The following MYO18A variants were observed in gnomAD, a reference collection of about 807,000 sequenced individuals.
MYO18A encodes myosin XVIIIA.
MYO18A carries 78 observed loss-of-function variants against 235.8 expected under a neutral mutation model. The ratio of observed to expected loss-of-function variants is 0.33; its 90% confidence interval spans 0.28 to 0.40. The LOEUF (loss-of-function observed/expected upper bound fraction) is 0.40. Among genes scored for constraint, MYO18A ranks in the 10% least tolerant of loss-of-function variants. The pLI is 1.00. For synonymous variants in MYO18A, 977 were observed against 1,077.8 expected (o/e 0.91, Z 1.83); for missense variants, 2,215 against 2,699.3 (o/e 0.82, Z 3.98).
intron 22 of MYO18A, 143 bp downstream of exon 22, chr17:29,099,491 G>A: frequency 8.8e-7 from 1 of 1,140,084 alleles, no homozygotes; most frequent in Non-Finnish European, 1.2e-6. Flanking sequence ...GCTGGCACCA[G>A]GGAGCTGCCT....
At chr17:29,112,045 A>C (rs1375891076) in intron 15 of MYO18A, among the ~76,000 whole-genome samples, 182 bp from the exon 16 acceptor site, 1 of 152,194 alleles carries the variant, frequency 6.6e-6, no homozygotes, top group Non-Finnish European at 1.5e-5. Context: ...AGCCCGGGGA[A>C]AGGGGAGCCA....
chr17:29,103,442 CCT>C (rs1452876591), intron 21 of MYO18A, among the ~76,000 whole-genome samples, 155 bp downstream of exon 21: 2 of 152,248 alleles, frequency 1.3e-5, no homozygotes, highest in African/African-American at 4.8e-5. Flanking sequence ...GGGGGCAGCC[CCT>C]GAGTGGCTGG....
intron 10 of MYO18A, among the ~76,000 whole-genome samples, chr17:29,116,784 T>C (rs899285579): frequency 3.2e-5 from 4 of 124,598 alleles, no homozygotes; most frequent in Non-Finnish European, 6.3e-5. Context: ...CTAACAGACA[T>C]TGTTTGAGAA....
At chr17:29,085,736 G>A (rs2066238608) in intron 39 of MYO18A, 88 bp from the exon 40 acceptor site, 1 of 1,351,322 alleles carries the variant, frequency 7.4e-7, no homozygotes, top group Non-Finnish European at 1.1e-6. Flanking sequence ...CTTAGCTGAA[G>A]ACCTCTCTTC....
chr17:29,136,235 G>GAAAA (rs1181249964), intron 2 of MYO18A, among the ~76,000 whole-genome samples: 1,245 of 105,108 alleles, frequency 0.012, 5 homozygotes, highest in Non-Finnish European at 0.015. Context: ...CATCTCAAAA[G>GAAAA]AAAAAAAAAA....
rs558425659 is a variant in MYO18A at position 29,124,234 on chromosome 17, T to C, written c.1000-1981A>G. ...TCATCTGAAAATGGGTTTCTCACATTGGCCAGGAGGTGGAGACAGAGAATG... is the reference window on the plus strand; with the variant it reads ...TCATCTGAAAATGGGTTTCTCACATCGGCCAGGAGGTGGAGACAGAGAATG... On this transcript the variant is annotated intron_variant, in intron 2 of 41. Coordinates refer to ENST00000527372, the MANE Select transcript of MYO18A (RefSeq NM_078471.4). Among the ~76,000 whole-genome samples, 236 of 152,262 alleles carry C rather than the reference T, an allele frequency of 1.5e-3. 1 individual carries two copies. The highest frequency in any genetic ancestry group is 5.5e-3 in the African/African-American group (228 of 41,546).
chr17:29,116,366 C>A (rs1322590483), intron 11 of MYO18A, 78 bp downstream of exon 11: 1 of 1,567,776 alleles, frequency 6.4e-7, no homozygotes, highest in South Asian at 1.1e-5. Flanking sequence ...GGGAACAGCC[C>A]GCACAGACAT....
intron 1 of MYO18A, among the ~76,000 whole-genome samples, chr17:29,169,812 T>C (rs773808718): frequency 6.6e-6 from 1 of 151,636 alleles, no homozygotes; most frequent in Non-Finnish European, 1.5e-5. Context: ...CAATTCTCGG[T>C]CTATAATGCT....
At position 29,118,485 on chromosome 17, in the gene MYO18A, C is replaced by A; in HGVS notation, c.1830-45G>T. The A allele has an allele frequency of 6.4e-7, 1 of 1,551,310 alleles. No homozygotes were observed. The highest frequency in any genetic ancestry group is 8.8e-7 in the Non-Finnish European group (1 of 1,131,672). On this transcript the variant is annotated intron_variant, in intron 8 of 41. Coordinates refer to ENST00000527372, the MANE Select transcript of MYO18A (RefSeq NM_078471.4). The surrounding 1 kb of genome is among the most constrained non-coding windows in gnomAD (Gnocchi z 4.2). ...ATCAGCACGGCACTTGGTCCCCATGCCAAGGCCATTTCCGCCCAGGGTGGA... is the reference window on the plus strand; with the variant it reads ...ATCAGCACGGCACTTGGTCCCCATGACAAGGCCATTTCCGCCCAGGGTGGA...
In MYO18A at chr17:29,110,083, T is replaced by C; in HGVS notation, c.3106A>G (p.Ile1036Val). Residue 1036 changes from isoleucine (I) to valine (V), a missense_variant, in exon 19 of 42, where the codon ATC (isoleucine) becomes GTC (valine). Physicochemically the swap from Ile to Val is conservative, Grantham distance 29. Transcript: ENST00000527372. ...ACAAAATGCAGCTTTGACTTCTTGATGGTGTCGATGAGGGCGTCCTGCCGA... is the reference window on the plus strand; with the variant it reads ...ACAAAATGCAGCTTTGACTTCTTGACGGTGTCGATGAGGGCGTCCTGCCGA... Reference protein sequence around the residue: ...KLQVDALIDTIKKSKLHFVHC... With the variant: ...KLQVDALIDTVKKSKLHFVHC... The C allele has an allele frequency of 6.2e-7, 1 of 1,611,538 alleles. No homozygotes were observed.
chr17:29,154,121 T>TGTGTGTGTGTGTGTGTGCGCGCGCGC (rs142430455), intron 2 of MYO18A, among the ~76,000 whole-genome samples: 13 of 149,104 alleles, frequency 8.7e-5, no homozygotes, highest in African/African-American at 3.3e-4. Context: ...TGTGTGTGTG[T>TGTGTGTGTGTGTGTGTGCGCGCGCGC]GCGCGCGCGT....
At chr17:29,096,555 G>A (rs2066522873) in intron 28 of MYO18A, among the ~76,000 whole-genome samples, 2 of 152,186 alleles carry the variant, frequency 1.3e-5, no homozygotes, top group Admixed American at 6.5e-5. Flanking sequence ...GCAGAGGCCT[G>A]GGCAGGCCTT....
chr17:29,074,893 G>A lies in MYO18A; in HGVS notation c.6042C>T (p.Ser2014=). 5.0e-6 allele frequency: 8 copies of A among 1,613,994 alleles called. No individual in the cohort carries two copies. Among genetic ancestry groups the A allele is most frequent in the Non-Finnish European group, 6.8e-6 (8 of 1,179,886 alleles). ...KSSSPTSYWK[S]LAPDRSDDEH... is the part of the protein sequence containing the mutation. ...CATCATCTGACCGATCAGGGGCAAG[G>A]GACTTCCAGTAGCTGGTGGGGCTGC... The change falls in exon 42 of 42, where the codon TCC becomes TCT. Residue 2014 remains serine (S), a synonymous_variant. Transcript: ENST00000527372. The surrounding 1 kb of genome is among the most constrained non-coding windows in gnomAD (Gnocchi z 4.4).
Position 29,118,142 on chromosome 17 carries a change from C to T in MYO18A, c.1941G>A (p.Ala647=), listed in dbSNP as rs753313631. The T allele has an allele frequency of 2.4e-5, 39 of 1,597,066 alleles. No individual in the cohort carries two copies. Among genetic ancestry groups the T allele is most frequent in the East Asian group, 6.8e-5 (3 of 44,210 alleles). ...KAAQQFSKLQ[A]AMKVLGISPD... is the part of the protein sequence containing the mutation. Reference sequence around the variant, plus strand: ...GGGAGATGCCCAGCACCTTCATGGCCGCCTGCAGCTTACTAAACTGCTGAG... The same window carrying T: ...GGGAGATGCCCAGCACCTTCATGGCTGCCTGCAGCTTACTAAACTGCTGAG... Residue 647 remains alanine (A), a synonymous_variant, in exon 10 of 42, where the codon GCG becomes GCA. Transcript: ENST00000527372. The surrounding 1 kb of genome is among the most constrained non-coding windows in gnomAD (Gnocchi z 4.2).
At chr17:29,173,281 G>A (rs1255991966) in intron 1 of MYO18A, among the ~76,000 whole-genome samples, 1 of 150,946 alleles carries the variant, frequency 6.6e-6, no homozygotes, top group Non-Finnish European at 1.5e-5. Context: ...TAGTAGAGAC[G>A]GGGTTTCTCC....
chr17:29,088,690 T>C (rs2066319683), intron 37 of MYO18A, among the ~76,000 whole-genome samples: 1 of 152,230 alleles, frequency 6.6e-6, no homozygotes, highest in Admixed American at 6.5e-5. Context: ...TCTCTTGCTA[T>C]CTGCTCTGCC....
At position 29,073,789 on chromosome 17, in the gene MYO18A, A is replaced by C. The variant is rs2065915634; in HGVS notation, c.*981T>G. 1 of 1,470,260 alleles carries C rather than the reference A, an allele frequency of 6.8e-7. No individual in the cohort carries two copies. Among genetic ancestry groups the C allele is most frequent in the Non-Finnish European group, 9.3e-7 (1 of 1,074,946 alleles). The allele number at this position is 1,470,260 out of a possible 1,614,324, so 91.1% of individuals were successfully genotyped here. A position where few individuals can be genotyped will look rare whatever the true frequency, so the allele number is the denominator to read the frequency against. The stretch of plus-strand genomic sequence containing the variant: ...TGACACGGGCTCAGGACACAGAGTG[A>C]GGACTCATGTCTAATGAGCACCGGC... On this transcript the variant is annotated 3_prime_UTR_variant, in exon 42 of 42. Coordinates refer to ENST00000527372, the MANE Select transcript of MYO18A (RefSeq NM_078471.4).
At chr17:29,167,102 C>T (rs1248380802) in intron 1 of MYO18A, 81 bp from the exon 2 acceptor site, 1 of 957,804 alleles carries the variant, frequency 1.0e-6, no homozygotes, top group Non-Finnish European at 1.5e-6. Flanking sequence ...CCAAATGATA[C>T]AGCTACTCCT....
In MYO18A at chr17:29,074,872, A is replaced by T. The variant is rs752022497; in HGVS notation, c.6063T>A (p.Asp2021Glu). ...YWKSLAPDRS[D>E]DEHDPLDNTS... ...TGTTGTCGAGAGGGTCGTGCTCATC[A>T]TCTGACCGATCAGGGGCAAGGGACT... The change falls in exon 42 of 42, where the codon GAT becomes GAA. Residue 2021 changes from aspartate to glutamate, a missense_variant. Coordinates refer to ENST00000527372, the MANE Select transcript of MYO18A (RefSeq NM_078471.4). This position sits in a 1 kb window ranked among gnomAD's most constrained non-coding sequence, Gnocchi z 4.4. 12 of 1,613,954 alleles carry T rather than the reference A, an allele frequency of 7.4e-6. No homozygotes were observed. The East Asian group carries it at 2.2e-4, about 30-fold the overall frequency.
Sources: gnomAD v4.1 joint callset for allele counts (sites outside exome capture counted in the v4.1 genomes callset) on GRCh38, gnomAD v4.1.1 for gene constraint, Gnocchi (gnomAD v3.1) non-coding constraint, MANE v1.5 for transcripts, NCBI Gene and HGNC (gene_info 2026-07-23, HGNC 2026-07-21) for gene names.